Variants in HOMEZ observed in about 807,000 individuals in gnomAD.
HOMEZ encodes homeobox and leucine zipper encoding, also known as homeobox and leucine zipper protein Homez.
HOMEZ carries 20 observed loss-of-function variants against 50.1 expected under a neutral mutation model. The observed-to-expected ratio is 0.40, with a 90% CI of 0.28 to 0.58. The LOEUF is 0.58. Ranked by LOEUF, HOMEZ falls within the 20% of genes least tolerant of loss-of-function variation. The pLI, the probability that HOMEZ is intolerant of heterozygous loss-of-function variation, is 0.46. For missense variants in HOMEZ, 579 were observed against 680.5 expected (o/e 0.85, Z 1.66); for synonymous variants, 239 against 254.7 (o/e 0.94, Z 0.59).
At chr14:23,277,259 T>G in intron 1 of HOMEZ, 72 bp from the exon 2 acceptor site, 1 of 1,345,110 alleles carries the variant, frequency 7.4e-7, no homozygotes, top group Non-Finnish European at 9.9e-7. Flanking sequence ...TCTACCAAAC[T>G]AACTGCTGGA....
chr14:23,282,518 G>C (rs1256734896), intron 1 of HOMEZ, among the ~76,000 whole-genome samples: 1 of 151,902 alleles, frequency 6.6e-6, no homozygotes, highest in Non-Finnish European at 1.5e-5. Context: ...GTGGCCCACC[G>C]AGAACACCAC....
In HOMEZ at chr14:23,280,720, A is replaced by ATT. The variant is rs1236449771; in HGVS notation, c.41-3535_41-3534dup. ...ATTTTTATATTTTTATTTTTATTTT[A>ATT]TTTTATTTTATTTTATTTTATTATT... On this transcript the variant is annotated intron_variant, in intron 1 of 1. Transcript: ENST00000357460. 3.3e-3 allele frequency among the ~76,000 whole-genome samples: 212 copies of ATT among 64,998 alleles called. 17 individuals carry two copies. The highest frequency in any genetic ancestry group is 0.019 in the South Asian group (33 of 1,738). The allele number at this position is 64,998 out of a possible 152,430, so 42.6% of individuals were successfully genotyped here.
At position 23,275,997 on chromosome 14, in the gene HOMEZ, A is replaced by C. The variant is rs1297645128; in HGVS notation, c.1231T>G (p.Leu411Val). Reference sequence around the variant, plus strand: ...AACCACTTTAGTTGCCCATGCTTCAAGGCATAGCGTGTGTCACCAAACCAC... The same window carrying C: ...AACCACTTTAGTTGCCCATGCTTCACGGCATAGCGTGTGTCACCAAACCAC... Reference protein sequence around the residue: ...IQWFGDTRYALKHGQLKWFRD... With the variant: ...IQWFGDTRYAVKHGQLKWFRD... Residue 411 changes from leucine to valine, a missense_variant, in exon 2 of 2, where the codon TTG (leucine) becomes GTG (valine). Leu to Val is a conservative substitution (Grantham distance 32, BLOSUM62 1). Coordinates refer to ENST00000357460, the MANE Select transcript of HOMEZ (RefSeq NM_020834.3). 1 of 1,613,244 alleles carries C rather than the reference A, an allele frequency of 6.2e-7. No homozygotes were observed. Among genetic ancestry groups the C allele is most frequent in the Non-Finnish European group, 8.5e-7 (1 of 1,179,586 alleles).
rs368363259 is a variant in HOMEZ at position 23,276,792 on chromosome 14, C to T, written c.436G>A (p.Gly146Arg). The change falls in exon 2 of 2, where the codon GGA (glycine) becomes AGA (arginine). Residue 146 changes from glycine to arginine, a missense_variant. Gly to Arg is a moderately radical substitution (Grantham distance 125). Transcript: ENST00000357460. The surrounding 1 kb of genome is among the most constrained non-coding windows in gnomAD (Gnocchi z 4.1). The part of the protein sequence containing the change: ...KSLLSFTHHA[G>R]RPPEEVPPPP... ...GGAGGCACCTCCTCTGGGGGCCGTC[C>T]CGCATGATGAGTAAAAGAGAGAAGG... 3 of 1,614,016 alleles carry T rather than the reference C, an allele frequency of 1.9e-6. No homozygotes were observed. Among genetic ancestry groups the T allele is most frequent in the Non-Finnish European group, 2.5e-6 (3 of 1,179,878 alleles).
chr14:23,282,753 T>C (rs1029916703), intron 1 of HOMEZ, among the ~76,000 whole-genome samples: 2 of 152,214 alleles, frequency 1.3e-5, no homozygotes, highest in Non-Finnish European at 2.9e-5. Flanking sequence ...TTCGTTTAGG[T>C]GGCTTGATGT....
chr14:23,272,889 T>C lies in HOMEZ; in HGVS notation c.*2686A>G, dbSNP rs150161951. On this transcript the variant is annotated 3_prime_UTR_variant, in exon 2 of 2. Coordinates refer to ENST00000357460, the MANE Select transcript of HOMEZ (RefSeq NM_020834.3). ...GAGAGAAGCATGGACCACTTCTAGA[T>C]AGATCATCTTCAAGATCTGATCTAT... 4.6e-4 allele frequency: 709 copies of C among 1,526,442 alleles called. 4 individuals carry two copies. The African/African-American group carries it at 8.7e-3, about 19-fold the overall frequency. The allele number at this position is 1,526,442 out of a possible 1,614,324, so 94.6% of individuals were successfully genotyped here. A position where few individuals can be genotyped will look rare whatever the true frequency, so the allele number is the denominator to read the frequency against.
chr14:23,276,353 A>G lies in HOMEZ; in HGVS notation c.875T>C (p.Phe292Ser), dbSNP rs577701627. 2 of 1,613,944 alleles carry G rather than the reference A, an allele frequency of 1.2e-6. No individual in the cohort carries two copies. Among genetic ancestry groups the G allele is most frequent in the South Asian group, 2.2e-5 (2 of 91,082 alleles). ...TPSSSSTSSSFQVLANGATAA... is the reference protein window; with the variant it reads ...TPSSSSTSSSSQVLANGATAA... ...AGTAGCTCCATTAGCCAGTACCTGG[A>G]AAGAAGAAGAGGTAGAGGAAGAAGA... is the stretch of plus-strand genomic sequence containing the variant. Residue 292 changes from phenylalanine (F) to serine (S), a missense_variant, in exon 2 of 2, where the codon TTC (phenylalanine) becomes TCC (serine). Coordinates refer to ENST00000357460, the MANE Select transcript of HOMEZ (RefSeq NM_020834.3). This position sits in a 1 kb window ranked among gnomAD's most constrained non-coding sequence, Gnocchi z 4.1.
chr14:23,280,750 T>TTTATTTTATTTTATTTTATTTTATTTTA (rs1886523133), intron 1 of HOMEZ, among the ~76,000 whole-genome samples: 1 of 87,304 alleles, frequency 1.1e-5, no homozygotes, highest in Non-Finnish European at 2.3e-5. Flanking sequence ...ATTATTTTAT[T>TTTATTTTATTTTATTTTATTTTATTTTA]TTATTTTATT....
intron 1 of HOMEZ, among the ~76,000 whole-genome samples, chr14:23,284,751 G>A (rs1886624253): frequency 6.6e-6 from 1 of 152,208 alleles, no homozygotes; most frequent in Non-Finnish European, 1.5e-5. Flanking sequence ...CAAGACAACT[G>A]TAAAAGATTG....
rs369147859 is a variant in HOMEZ, at chr14:23,276,335, C to T, written c.893G>A (p.Gly298Glu). The T allele has an allele frequency of 6.2e-7, 1 of 1,613,798 alleles. No homozygotes were observed. Among genetic ancestry groups the T allele is most frequent in the Non-Finnish European group, 8.5e-7 (1 of 1,179,830 alleles). Residue 298 changes from glycine (G) to glutamate (E), a missense_variant, in exon 2 of 2, where the codon GGA (glycine) becomes GAA (glutamate). Gly to Glu is a moderately conservative substitution (Grantham distance 98). Coordinates refer to ENST00000357460, the MANE Select transcript of HOMEZ (RefSeq NM_020834.3). The surrounding 1 kb of genome is among the most constrained non-coding windows in gnomAD (Gnocchi z 4.1). ...TSSSFQVLANGATAASKPLQP... is the reference protein window; with the variant it reads ...TSSSFQVLANEATAASKPLQP... ...GAGGGGTTTAGAGGCGGCAGTAGCT[C>T]CATTAGCCAGTACCTGGAAAGAAGA...
intron 1 of HOMEZ, among the ~76,000 whole-genome samples, chr14:23,279,786 T>A (rs1886451344): frequency 2.0e-5 from 3 of 150,342 alleles, no homozygotes; most frequent in Admixed American, 2.0e-4. Context: ...CTGGCCACTA[T>A]TTTTTTTTAG....
At chr14:23,277,976 C>T (rs1345110609) in intron 1 of HOMEZ, among the ~76,000 whole-genome samples, 1 of 150,894 alleles carries the variant, frequency 6.6e-6, no homozygotes, top group African/African-American at 2.4e-5. Context: ...TTACAGGTGC[C>T]CGCCACCACG....
chr14:23,273,552 A>G lies in HOMEZ; in HGVS notation c.*2023T>C, dbSNP rs1248088680. ...ATCACTGAGATCAAACATGTATTCT[A>G]CTTTGGGTTTTAAAAGGCAGAAATG... is the stretch of plus-strand genomic sequence containing the variant. On this transcript the variant is annotated 3_prime_UTR_variant, in exon 2 of 2. Coordinates refer to ENST00000357460, the MANE Select transcript of HOMEZ (RefSeq NM_020834.3). 1 of 152,224 alleles carries G rather than the reference A, an allele frequency of 6.6e-6. No homozygotes were observed. Among genetic ancestry groups the G allele is most frequent in the Non-Finnish European group, 1.5e-5 (1 of 68,030 alleles). 9.4% of individuals were successfully genotyped at this position (152,224 alleles called of 1,614,324 possible).
intron 1 of HOMEZ, among the ~76,000 whole-genome samples, chr14:23,280,588 T>A (rs1044348265): frequency 2.6e-4 from 40 of 151,856 alleles, no homozygotes; most frequent in African/African-American, 9.4e-4. Flanking sequence ...CCCAGAATAT[T>A]CTGTTGACAA....
rs905410787 is a variant in HOMEZ at position 23,275,487 on chromosome 14, T to C, written c.*88A>G. On this transcript the variant is annotated 3_prime_UTR_variant, in exon 2 of 2. Transcript: ENST00000357460. ...AGCTTTTTAGTTCTCTGCCACAAGG[T>C]AATTTTAAAAATGTGGTTTCTTTGT... 1 of 1,455,572 alleles carries C rather than the reference T, an allele frequency of 6.9e-7. No homozygotes were observed. The highest frequency in any genetic ancestry group is 9.1e-7 in the Non-Finnish European group (1 of 1,099,646). 90.2% of individuals were successfully genotyped at this position (1,455,572 alleles called of 1,614,324 possible).
At chr14:23,277,970 A>G (rs995707958) in intron 1 of HOMEZ, among the ~76,000 whole-genome samples, 13 of 151,706 alleles carry the variant, frequency 8.6e-5, no homozygotes, top group Admixed American at 7.9e-4. Flanking sequence ...CTGGGATTAC[A>G]GGTGCCCGCC....
rs999653523 is a variant in HOMEZ, at chr14:23,273,580, G to A, written c.*1995C>T. The stretch of plus-strand genomic sequence containing the variant: ...TTGGGTTTTAAAAGGCAGAAATGAC[G>A]AATTAAATAGGTTAGCCACTCACAA... On this transcript the variant is annotated 3_prime_UTR_variant, in exon 2 of 2. Coordinates refer to ENST00000357460, the MANE Select transcript of HOMEZ (RefSeq NM_020834.3). 1 of 152,148 alleles carries A rather than the reference G, an allele frequency of 6.6e-6. No homozygotes were observed. The highest frequency in any genetic ancestry group is 6.5e-5 in the Admixed American group (1 of 15,272). 9.4% of individuals were successfully genotyped at this position (152,148 alleles called of 1,614,324 possible).
chr14:23,285,373 G>T (rs1333820392), intron 1 of HOMEZ: 4 of 152,204 alleles, frequency 2.6e-5, no homozygotes, highest in Non-Finnish European at 4.4e-5. Flanking sequence ...GAGGACTCAG[G>T]TTCTCAGTTT....
At position 23,273,383 on chromosome 14, in the gene HOMEZ, A is replaced by T. The variant is rs1427104022; in HGVS notation, c.*2192T>A. The T allele has an allele frequency of 2.0e-5, 3 of 152,362 alleles. No homozygotes were observed. In the East Asian group the frequency reaches 5.8e-4, roughly 29 times the overall value. 9.4% of individuals were successfully genotyped at this position (152,362 alleles called of 1,614,324 possible). ...TATGCTTAGTTACTATTAAATGTTA[A>T]TTTTCCTTTCTATTGAAAACAACTG... On this transcript the variant is annotated 3_prime_UTR_variant, in exon 2 of 2. Coordinates refer to ENST00000357460, the MANE Select transcript of HOMEZ (RefSeq NM_020834.3).
Sources: gnomAD v4.1 joint callset for allele counts (sites outside exome capture counted in the v4.1 genomes callset) on GRCh38, gnomAD v4.1.1 for gene constraint, Gnocchi (gnomAD v3.1) non-coding constraint, MANE v1.5 for transcripts, NCBI Gene and HGNC (gene_info 2026-07-23, HGNC 2026-07-21) for gene names.